The following CAST variants were observed in gnomAD, a reference collection of about 807,000 sequenced individuals.
The protein encoded by CAST is MIR583 host.
In CAST, 76 loss-of-function variants were observed where a neutral mutation model predicts 119.6. The ratio of observed to expected loss-of-function variants is 0.64; its 90% confidence interval spans 0.53 to 0.77. The LOEUF (loss-of-function observed/expected upper bound fraction) is 0.77. CAST is among the 30% of genes least tolerant of loss of function. The probability of loss-of-function intolerance (pLI) is 0.00; values close to 1 mark genes in which losing one functional copy is unlikely to be tolerated. For missense variants in CAST, 953 were observed against 946.5 expected, an observed-to-expected ratio of 1.01 and a Z score of -0.09; for synonymous variants, 319 against 331.6, an observed-to-expected ratio of 0.96 and a Z score of 0.41.
the CAST span, among the ~76,000 whole-genome samples, chr5:95,979,003 T>G: frequency 2.6e-5 from 4 of 152,130 alleles, no homozygotes; most frequent in African/African-American, 9.7e-5. Context: ...GTCAGTGAAC[T>G]GGTGGCAGTA....
At chr5:96,393,699 T>C in the CAST span, among the ~76,000 whole-genome samples, 1 of 152,218 alleles carries the variant, frequency 6.6e-6, no homozygotes, top group Admixed American at 6.5e-5. Flanking sequence ...TCTTTACTTG[T>C]CAGCCTGCTG....
chr5:96,536,031 GTTT>G (rs533558053), intron 1 of CAST, among the ~76,000 whole-genome samples: 1,204 of 103,838 alleles, frequency 0.012, 17 homozygotes, highest in African/African-American at 0.03. Flanking sequence ...AATATTTAAG[GTTT>G]TTTTTTTTTT....
chr5:96,538,570 T>C (rs1223673239), intron 1 of CAST, among the ~76,000 whole-genome samples: 4 of 152,150 alleles, frequency 2.6e-5, no homozygotes, highest in African/African-American at 9.7e-5. Flanking sequence ...AATTTCTGAA[T>C]TGATAATATA....
the CAST span, among the ~76,000 whole-genome samples, chr5:96,082,739 G>A: frequency 1.3e-5 from 2 of 151,970 alleles, no homozygotes; most frequent in Non-Finnish European, 2.9e-5. Context: ...TTATAATGCT[G>A]CCTGGATTAT....
the CAST span, among the ~76,000 whole-genome samples, chr5:96,293,262 G>C: frequency 6.6e-6 from 1 of 152,100 alleles, no homozygotes; most frequent in South Asian, 2.1e-4. Context: ...AAGCAGAAAG[G>C]CTGGTCTCTA....
chr5:96,621,969 CTTTTTTTT>C (rs35728460), intron 1 of CAST, among the ~76,000 whole-genome samples: 1 of 113,702 alleles, frequency 8.8e-6, no homozygotes, highest in Admixed American at 1.0e-4. Context: ...CTTTTTTTCT[CTTTTTTTT>C]TTTTTTTTTT....
chr5:96,746,162 C>G (rs1168346334), intron 16 of CAST, among the ~76,000 whole-genome samples, 180 bp from the exon 17 acceptor site: 2 of 152,244 alleles, frequency 1.3e-5, no homozygotes, highest in Non-Finnish European at 2.9e-5. Flanking sequence ...CAGTCACCCA[C>G]TGCTCCCTTT....
At chr5:96,429,998 G>T in the CAST span, among the ~76,000 whole-genome samples, 1 of 152,160 alleles carries the variant, frequency 6.6e-6, no homozygotes, top group Non-Finnish European at 1.5e-5. Flanking sequence ...AAACACCTGG[G>T]ATACTATCTA....
upstream of CAST, among the ~76,000 whole-genome samples, chr5:96,522,814 T>G (rs1745538991): frequency 6.6e-6 from 1 of 152,250 alleles, no homozygotes; most frequent in South Asian, 2.1e-4. Context: ...ATAAACATAG[T>G]TATGAGTGAT....
chr5:96,659,878 A>C (rs1414246678), upstream of CAST, among the ~76,000 whole-genome samples: 9 of 152,208 alleles, frequency 5.9e-5, no homozygotes, highest in Admixed American at 5.9e-4. Context: ...CCATGATATC[A>C]AAGTTCCAAT....
chr5:96,308,095 A>G, the CAST span, among the ~76,000 whole-genome samples: 1 of 152,034 alleles, frequency 6.6e-6, no homozygotes, highest in Non-Finnish European at 1.5e-5. Context: ...ACACCAATCA[A>G]ACGTAGATTT....
intron 1 of CAST, among the ~76,000 whole-genome samples, chr5:96,615,358 C>T (rs1254624082): frequency 6.6e-6 from 1 of 152,232 alleles, no homozygotes; most frequent in Non-Finnish European, 1.5e-5. Flanking sequence ...CTAGGCAGGT[C>T]TCACTTCCTC....
the CAST span, among the ~76,000 whole-genome samples, chr5:95,993,417 AT>A: frequency 6.6e-6 from 1 of 152,174 alleles, no homozygotes; most frequent in Non-Finnish European, 1.5e-5. Context: ...TGCAAGGGAC[AT>A]TTGGCAATGT....
intron 1 of CAST, among the ~76,000 whole-genome samples, chr5:96,672,513 C>T (rs1750199856): frequency 6.6e-6 from 1 of 151,940 alleles, no homozygotes; most frequent in African/African-American, 2.4e-5. Flanking sequence ...TCAAGACCAG[C>T]CTGATCAACA....
chr5:96,328,431 C>A, the CAST span, among the ~76,000 whole-genome samples: 1 of 132,138 alleles, frequency 7.6e-6, no homozygotes, highest in Non-Finnish European at 1.6e-5. Flanking sequence ...CTCTCTCTCT[C>A]CTTGTGACAT....
the CAST span, among the ~76,000 whole-genome samples, chr5:96,365,016 A>G: frequency 6.6e-6 from 1 of 152,186 alleles, no homozygotes; most frequent in Non-Finnish European, 1.5e-5. Context: ...AGATTCTGCT[A>G]TGTTGTGTCT....
chr5:96,553,856 A>G (rs1281558053), intron 1 of CAST, among the ~76,000 whole-genome samples: 2 of 152,226 alleles, frequency 1.3e-5, no homozygotes, highest in African/African-American at 4.8e-5. Context: ...AGGGATGTGA[A>G]GGACCTCTTC....
chr5:96,611,942 A>G (rs1747371075), intron 1 of CAST, among the ~76,000 whole-genome samples: 1 of 152,200 alleles, frequency 6.6e-6, no homozygotes, highest in African/African-American at 2.4e-5. Flanking sequence ...TCAAAAAATA[A>G]CAGATGTTGG....
chr5:96,029,973 C>A, the CAST span, among the ~76,000 whole-genome samples: 2 of 152,082 alleles, frequency 1.3e-5, no homozygotes, highest in Non-Finnish European at 2.9e-5. Flanking sequence ...GGTTGTCTGA[C>A]TTGACATTTC....
Sources: gnomAD v4.1 joint callset for allele counts (sites outside exome capture counted in the v4.1 genomes callset) on GRCh38, gnomAD v4.1.1 for gene constraint, MANE v1.5 for transcripts, NCBI Gene and HGNC (gene_info 2026-07-23, HGNC 2026-07-21) for gene names.